Variants in CDKL4 observed in about 807,000 individuals in gnomAD.
CDKL4 encodes the protein cyclin dependent kinase like 4.
In CDKL4, 44 loss-of-function variants were observed where a neutral mutation model predicts 42.0. The ratio of observed to expected loss-of-function variants is 1.05; its 90% CI spans 0.82 to 1.35. CDKL4 has a LOEUF of 1.35. Among genes scored for constraint, CDKL4 ranks in the 40% most tolerant of loss-of-function variants. CDKL4 has a pLI of 0.00. For synonymous variants in CDKL4, 120 were observed against 121.6 expected (o/e 0.99, Z 0.09); for missense variants, 393 against 369.9 (o/e 1.06, Z -0.51).
intron 4 of CDKL4, among the ~76,000 whole-genome samples, chr2:39,211,802 C>T (rs1331478802): frequency 6.6e-6 from 1 of 151,892 alleles, no homozygotes; most frequent in Non-Finnish European, 1.5e-5. Flanking sequence ...CGAATACCTC[C>T]TGAGCCCACT....
chr2:39,245,468 C>T (rs1254167997), upstream of CDKL4, among the ~76,000 whole-genome samples: 5 of 152,208 alleles, frequency 3.3e-5, no homozygotes, highest in East Asian at 3.9e-4. Context: ...CGAGGGTCCG[C>T]GGCTTCATTC....
In CDKL4 at chr2:39,213,432, G is replaced by A. The variant is rs748276195; in HGVS notation, c.331C>T (p.Leu111Phe). The change falls in exon 4 of 10, where the codon CTT (leucine) becomes TTT (phenylalanine). Residue 111 changes from leucine (L) to phenylalanine (F), a missense_variant. Transcript: ENST00000451199. ...ATATGACAGAAATTAAGAGCTTGAAGTGTTTGCCATAATACGCTTTTGATC... is the reference window on the plus strand; with the variant it reads ...ATATGACAGAAATTAAGAGCTTGAAATGTTTGCCATAATACGCTTTTGATC... The A allele has an allele frequency of 6.2e-7, 1 of 1,610,734 alleles. No homozygotes were observed. Among genetic ancestry groups the A allele is most frequent in the South Asian group, 1.1e-5 (1 of 90,950 alleles).
chr2:39,233,044 C>CAAAAAAAAAA (rs72150084), intron 1 of CDKL4, among the ~76,000 whole-genome samples: 3 of 66,030 alleles, frequency 4.5e-5, no homozygotes, highest in Non-Finnish European at 5.4e-5. Flanking sequence ...GACTCCATCT[C>CAAAAAAAAAA]AAAAAAAAAA....
intron 1 of CDKL4, among the ~76,000 whole-genome samples, chr2:39,239,647 G>C (rs982023498): frequency 1.3e-5 from 2 of 152,198 alleles, no homozygotes; most frequent in Non-Finnish European, 2.9e-5. Context: ...ATTGCAATAA[G>C]ATAGCATTAC....
At chr2:39,229,275 G>A in intron 2 of CDKL4, 90 bp downstream of exon 2, 1 of 945,626 alleles carries the variant, frequency 1.1e-6, no homozygotes, top group Non-Finnish European at 1.5e-6. Context: ...AGTCCAATGG[G>A]GGGAAAATAA....
chr2:39,225,785 A>T, intron 3 of CDKL4, 54 bp downstream of exon 3: 1 of 1,542,230 alleles, frequency 6.5e-7, no homozygotes, highest in Non-Finnish European at 8.7e-7. Flanking sequence ...TTAATTCCAC[A>T]GAAAATGAAA....
At chr2:39,217,287 G>C (rs1420177675) in intron 3 of CDKL4, among the ~76,000 whole-genome samples, 1 of 152,188 alleles carries the variant, frequency 6.6e-6, no homozygotes, top group African/African-American at 2.4e-5. Context: ...AATACTAAAA[G>C]TCGTAATGAA....
rs1677698677 is a variant in CDKL4 at position 39,213,331 on chromosome 2, C to A, written c.363+69G>T. On this transcript the variant is annotated intron_variant, in intron 4 of 9. Transcript: ENST00000451199. ...TTTGTCTTCAGCTCTCCAAACAAAA[C>A]CCTGAGCTATTTAGAAGAAAAGAGT... is the stretch of plus-strand genomic sequence containing the variant. 3.8e-6 allele frequency: 4 copies of A among 1,063,380 alleles called. No homozygotes were observed. In the East Asian group the frequency reaches 7.2e-5, roughly 19 times the overall value. The allele number at this position is 1,063,380 out of a possible 1,614,324, so 65.9% of individuals were successfully genotyped here.
chr2:39,181,515 T>A (rs536477340), intron 8 of CDKL4, among the ~76,000 whole-genome samples: 90 of 152,250 alleles, frequency 5.9e-4, no homozygotes, highest in African/African-American at 2.1e-3. Context: ...AAGGTCACTG[T>A]TATGGGTTGA....
intron 3 of CDKL4, among the ~76,000 whole-genome samples, chr2:39,223,058 A>G (rs1177972877): frequency 6.6e-6 from 1 of 152,170 alleles, no homozygotes; most frequent in Non-Finnish European, 1.5e-5. Flanking sequence ...ACATTCTAGT[A>G]TGTTATCTCA....
chr2:39,222,200 A>G (rs1028982058), intron 3 of CDKL4, among the ~76,000 whole-genome samples: 2 of 152,246 alleles, frequency 1.3e-5, no homozygotes, highest in Non-Finnish European at 2.9e-5. Flanking sequence ...AACAGGGATG[A>G]AAATAAAATT....
downstream of CDKL4, among the ~76,000 whole-genome samples, chr2:39,175,142 G>A (rs975334702): frequency 6.6e-6 from 1 of 152,072 alleles, no homozygotes; most frequent in African/African-American, 2.4e-5. Flanking sequence ...CACTAGTTTT[G>A]GGCTGTACAA....
chr2:39,237,207 G>A (rs1402498085), intron 1 of CDKL4, among the ~76,000 whole-genome samples: 4 of 152,132 alleles, frequency 2.6e-5, no homozygotes, highest in African/African-American at 7.2e-5. Context: ...ATTATATACC[G>A]TGACTCTGTG....
At chr2:39,173,581 G>T (rs1190321690), downstream of CDKL4, among the ~76,000 whole-genome samples, 2 of 152,090 alleles carry the variant, frequency 1.3e-5, no homozygotes, top group Non-Finnish European at 2.9e-5. Context: ...AGGCCGAGAT[G>T]GGCGGATCAC....
chr2:39,218,056 A>G (rs754994255), intron 3 of CDKL4, among the ~76,000 whole-genome samples: 1 of 152,100 alleles, frequency 6.6e-6, no homozygotes, highest in African/African-American at 2.4e-5. Context: ...TATACTTTCA[A>G]TCAGGCTGTT....
intron 1 of CDKL4, among the ~76,000 whole-genome samples, chr2:39,232,210 G>A (rs2148398342): frequency 6.6e-6 from 1 of 152,186 alleles, no homozygotes; most frequent in East Asian, 1.9e-4. Context: ...TAAAGCTCCA[G>A]GAAATAGTAC....
At chr2:39,231,248 A>G (rs1470225832) in intron 1 of CDKL4, among the ~76,000 whole-genome samples, 5 of 134,120 alleles carry the variant, frequency 3.7e-5, no homozygotes, top group African/African-American at 1.3e-4. Flanking sequence ...ACAAACAAAA[A>G]GAATGTATAA....
intron 5 of CDKL4, among the ~76,000 whole-genome samples, chr2:39,197,620 T>G (rs181120855): frequency 6.6e-6 from 1 of 152,202 alleles, no homozygotes; most frequent in East Asian, 1.9e-4. Flanking sequence ...GGAAAACCTA[T>G]CAGATTAACA....
At chr2:39,171,231 C>A (rs1338519433), downstream of CDKL4, among the ~76,000 whole-genome samples, 3 of 146,570 alleles carry the variant, frequency 2.0e-5, no homozygotes, top group African/African-American at 7.6e-5. Context: ...AGAGAGAGAC[C>A]GTCTCAAAAA....
Sources: allele counts gnomAD v4.1 joint callset (sites outside exome capture counted in the v4.1 genomes callset), GRCh38; gene constraint gnomAD v4.1.1; transcripts MANE v1.5; gene names NCBI Gene and HGNC (gene_info 2026-07-23, HGNC 2026-07-21).